LUZP2: variants seen among roughly 807,000 people sequenced by gnomAD.
LUZP2 encodes the protein leucine zipper protein 2.
Under a neutral mutation model 51.6 loss-of-function variants are expected in LUZP2, and 52 were observed. The ratio of observed to expected loss-of-function variants is 1.01; its 90% confidence interval spans 0.81 to 1.27. LUZP2 has a LOEUF of 1.27. LUZP2 is among the 50% of genes most tolerant of loss of function. LUZP2 has a pLI of 0.00. For synonymous variants in LUZP2, 154 were observed against 137.3 expected (o/e 1.12, Z -0.85); for missense variants, 436 against 395.4 (o/e 1.10, Z -0.87).
chr11:24,830,515 G>A (rs7104142), intron 5 of LUZP2, among the ~76,000 whole-genome samples: 141,718 of 152,194 alleles, frequency 0.93, 66,603 homozygotes, highest in East Asian at 1. Flanking sequence ...CACACAGAAA[G>A]TATTTAATGA....
At chr11:24,745,984 T>C (rs1361318311) in intron 4 of LUZP2, among the ~76,000 whole-genome samples, 1 of 152,184 alleles carries the variant, frequency 6.6e-6, no homozygotes, top group Non-Finnish European at 1.5e-5. Flanking sequence ...AGTCAGTTCT[T>C]ATCCATTCTG....
At chr11:24,792,697 T>C (rs1849440992) in intron 5 of LUZP2, among the ~76,000 whole-genome samples, 1 of 152,178 alleles carries the variant, frequency 6.6e-6, no homozygotes, top group South Asian at 2.1e-4. Context: ...AATCCAGTTA[T>C]ACCACTAAAC....
At chr11:24,676,571 A>G (rs1291603869) in intron 1 of LUZP2, among the ~76,000 whole-genome samples, 2 of 152,236 alleles carry the variant, frequency 1.3e-5, no homozygotes, top group Non-Finnish European at 2.9e-5. Flanking sequence ...TTTTTACTTA[A>G]TGCAGAAATG....
chr11:24,799,743 A>C (rs1299510720), intron 5 of LUZP2, among the ~76,000 whole-genome samples: 1 of 152,208 alleles, frequency 6.6e-6, no homozygotes, highest in Non-Finnish European at 1.5e-5. Context: ...AATTATAGCT[A>C]TCTCCTAGTA....
intron 9 of LUZP2, among the ~76,000 whole-genome samples, chr11:25,044,753 T>G (rs1286226570): frequency 1.3e-5 from 2 of 151,792 alleles, no homozygotes; most frequent in Non-Finnish European, 2.9e-5. Flanking sequence ...TAAAGACACA[T>G]GCGCACGTAT....
chr11:24,909,039 G>C (rs1336429116), intron 6 of LUZP2, among the ~76,000 whole-genome samples: 2 of 151,764 alleles, frequency 1.3e-5, no homozygotes, highest in Non-Finnish European at 2.9e-5. Flanking sequence ...GGGATTACAG[G>C]CATGAGCCAC....
intron 5 of LUZP2, among the ~76,000 whole-genome samples, chr11:24,895,178 C>A (rs529128268): frequency 6.6e-6 from 1 of 152,224 alleles, no homozygotes; most frequent in Non-Finnish European, 1.5e-5. Flanking sequence ...GAAGTTTACC[C>A]TGAAACAAAT....
intron 1 of LUZP2, among the ~76,000 whole-genome samples, chr11:24,635,232 C>G (rs2133934422): frequency 6.6e-6 from 1 of 151,980 alleles, no homozygotes; most frequent in African/African-American, 2.4e-5. Context: ...ACCAATTTCA[C>G]TTTTTATTTT....
intron 5 of LUZP2, among the ~76,000 whole-genome samples, chr11:24,852,301 TTG>T (rs1851421086): frequency 6.6e-6 from 1 of 152,210 alleles, no homozygotes; most frequent in Admixed American, 6.5e-5. Flanking sequence ...TTCTGGTACA[TTG>T]TGTCTTTGTT....
intron 1 of LUZP2, among the ~76,000 whole-genome samples, chr11:24,573,562 G>C (rs556120773): frequency 2.6e-5 from 4 of 151,858 alleles, no homozygotes; most frequent in Non-Finnish European, 4.4e-5. Flanking sequence ...AGGAATTCTA[G>C]GTTTCCTCCA....
chr11:24,847,326 T>C (rs551223205), intron 5 of LUZP2, among the ~76,000 whole-genome samples: 1 of 152,140 alleles, frequency 6.6e-6, no homozygotes, highest in African/African-American at 2.4e-5. Flanking sequence ...TTGGCATGTC[T>C]CTTTAGTTTT....
At chr11:25,074,253 A>G (rs16913585) in intron 10 of LUZP2, among the ~76,000 whole-genome samples, 4,009 of 152,216 alleles carry the variant, frequency 0.026, 183 homozygotes, top group African/African-American at 0.092. Context: ...AGTTTAGTAA[A>G]AGGCTTTATT....
intron 1 of LUZP2, among the ~76,000 whole-genome samples, chr11:24,565,280 G>A (rs369433575): frequency 4.4e-4 from 67 of 152,150 alleles, no homozygotes; most frequent in African/African-American, 1.6e-3. Flanking sequence ...AGAAGAAATG[G>A]CCTCAAGACA....
At position 24,851,751 on chromosome 11, in the gene LUZP2, C is replaced by T. The variant is rs942101891; in HGVS notation, c.397-54240C>T. On this transcript the variant is annotated intron_variant, in intron 5 of 11. Coordinates refer to ENST00000336930, the MANE Select transcript of LUZP2 (RefSeq NM_001009909.4). ...GGCTGTGAATCCGTCTCATCCTGGG[C>T]TTTTTTTGGTTGGTAGGCTATTAAT... is the stretch of plus-strand genomic sequence containing the variant. 7.2e-5 allele frequency among the ~76,000 whole-genome samples: 11 copies of T among 151,932 alleles called. No homozygotes were observed. In the East Asian group the frequency reaches 1.9e-3, roughly 27 times the overall value.
intron 5 of LUZP2, among the ~76,000 whole-genome samples, chr11:24,838,616 C>T (rs1850930833): frequency 6.6e-6 from 1 of 151,566 alleles, no homozygotes; most frequent in Admixed American, 6.6e-5. Flanking sequence ...ACTTTTGTGT[C>T]TAATAATTTT....
At chr11:24,926,345 G>GTACATATATACGTGTGTA in intron 7 of LUZP2, among the ~76,000 whole-genome samples, 1 of 44,960 alleles carries the variant, frequency 2.2e-5, no homozygotes. Context: ...ATATACGTGT[G>GTACATATATACGTGTGTA]TATATATATA....
At position 24,906,523 on chromosome 11, in the gene LUZP2, A is replaced by G. The variant is rs185886710; in HGVS notation, c.459+470A>G. 3.1e-3 allele frequency among the ~76,000 whole-genome samples: 474 copies of G among 150,966 alleles called. 3 individuals are homozygous for G. Among genetic ancestry groups the G allele is most frequent in the Non-Finnish European group, 5.3e-3 (362 of 68,018 alleles). On this transcript the variant is annotated intron_variant, in intron 6 of 11. Transcript: ENST00000336930. The stretch of plus-strand genomic sequence containing the variant: ...TTGCTGTGTAGTAAAATTGTCTCAT[A>G]TATTTCTCAGGGGGAAATGTCATTC...
Position 25,044,010 on chromosome 11 carries a change from C to CTATATATATCTGATATATATAGAGTCTA in LUZP2, c.766-5992_766-5965dup, listed in dbSNP as rs1565273007. 2.9e-4 allele frequency among the ~76,000 whole-genome samples: 32 copies of CTATATATATCTGATATATATAGAGTCTA among 109,284 alleles called. 2 individuals are homozygous for CTATATATATCTGATATATATAGAGTCTA. Among genetic ancestry groups the CTATATATATCTGATATATATAGAGTCTA allele is most frequent in the African/African-American group, 1.2e-3 (31 of 25,236 alleles). The allele number at this position is 109,284 out of a possible 152,430, so 71.7% of individuals were successfully genotyped here. ...AGTCTACATATATCTGATATATAGT[C>CTATATATATCTGATATATATAGAGTCTA]TATATATATCTGATATATATAGAGT... On this transcript the variant is annotated intron_variant, in intron 9 of 11. Coordinates refer to ENST00000336930, the MANE Select transcript of LUZP2 (RefSeq NM_001009909.4).
intron 7 of LUZP2, among the ~76,000 whole-genome samples, chr11:24,929,967 G>A (rs1441024087): frequency 6.6e-6 from 1 of 152,140 alleles, no homozygotes; most frequent in Non-Finnish European, 1.5e-5. Flanking sequence ...GGCAAGTCCT[G>A]TTATCATGAG....
Sources: gnomAD v4.1 joint callset for allele counts (sites outside exome capture counted in the v4.1 genomes callset) on GRCh38, gnomAD v4.1.1 for gene constraint, MANE v1.5 for transcripts, NCBI Gene and HGNC (gene_info 2026-07-23, HGNC 2026-07-21) for gene names.